BICRAL: variants seen among roughly 807,000 people sequenced by gnomAD.
BICRAL encodes the protein BICRA like chromatin remodeling complex associated protein, also known as BRD4-interacting chromatin-remodeling complex-associated protein-like.
Under a neutral mutation model 91.8 loss-of-function variants are expected in BICRAL, and 8 were observed. The ratio of observed to expected loss-of-function variants is 0.09; its 90% CI spans 0.05 to 0.16. The LOEUF is 0.16. Ranked by LOEUF, BICRAL falls within the 10% of genes least tolerant of loss-of-function variation. The pLI is 1.00. For synonymous variants in BICRAL, 445 were observed against 491.1 expected (o/e 0.91, Z 1.24); for missense variants, 1,038 against 1,310.9 (o/e 0.79, Z 3.21).
At chr6:42,826,976 G>A (rs1764325181) in intron 5 of BICRAL, among the ~76,000 whole-genome samples, 1 of 151,844 alleles carries the variant, frequency 6.6e-6, no homozygotes. Flanking sequence ...AGTAGAGACA[G>A]GGTTTCTCCA....
At chr6:42,803,887 G>T (rs1763639164) in intron 1 of BICRAL, among the ~76,000 whole-genome samples, 1 of 152,312 alleles carries the variant, frequency 6.6e-6, no homozygotes, top group South Asian at 2.1e-4. Context: ...CAGGCACAAG[G>T]CTGTGCAGCA....
intron 1 of BICRAL, among the ~76,000 whole-genome samples, chr6:42,782,802 G>A (rs893054776): frequency 1.3e-5 from 2 of 152,098 alleles, no homozygotes; most frequent in African/African-American, 4.8e-5. Flanking sequence ...GGCGCGGCGG[G>A]GCCGCGAGCA....
chr6:42,753,021 A>G (rs1347053251), intron 1 of BICRAL, among the ~76,000 whole-genome samples: 2 of 150,212 alleles, frequency 1.3e-5, no homozygotes, highest in African/African-American at 4.9e-5. Flanking sequence ...CCGCCTCCCA[A>G]GTTCAAGTGA....
rs1457625614 is a variant in BICRAL at position 42,865,740 on chromosome 6, GTT to G, written c.*297_*298del. 6.4e-6 allele frequency: 2 copies of G among 312,902 alleles called. No individual in the cohort carries two copies. Among genetic ancestry groups the G allele is most frequent in the Non-Finnish European group, 1.2e-5 (2 of 169,446 alleles). 19.4% of individuals were successfully genotyped at this position (312,902 alleles called of 1,614,324 possible). ...GTGCTTATAGGCATTTTGTTTATTT[GTT>G]TTGTTTTTTAAAAACACTGTAACTC... On this transcript the variant is annotated 3_prime_UTR_variant, in exon 13 of 13. Transcript: ENST00000314073.
chr6:42,837,321 T>G (rs1315136888), intron 6 of BICRAL, among the ~76,000 whole-genome samples: 1 of 152,174 alleles, frequency 6.6e-6, no homozygotes, highest in African/African-American at 2.4e-5. Context: ...TACCGAAGGC[T>G]TTTGGCGTTT....
chr6:42,749,608 C>T (rs1021927019), intron 1 of BICRAL, among the ~76,000 whole-genome samples: 1 of 152,058 alleles, frequency 6.6e-6, no homozygotes, highest in Admixed American at 6.6e-5. Context: ...AATTTGACCA[C>T]TACATATTAT....
Position 42,865,291 on chromosome 6 carries a change from A to G in BICRAL, c.3085A>G (p.Thr1029Ala). 6.2e-7 allele frequency: 1 copy of G among 1,614,080 alleles called. No homozygotes were observed. Among genetic ancestry groups the G allele is most frequent in the Non-Finnish European group, 8.5e-7 (1 of 1,180,002 alleles). ...GGGACGGCAGCCCCAGAGTGACCCC[A>G]CGGTTAGCGGCTCTGTTGAGTTAGA... ...KAGRQPQSDP[T>A]VSGSVELDFP... The change falls in exon 13 of 13, where the codon ACG (threonine) becomes GCG (alanine). Residue 1029 changes from threonine (T) to alanine (A), a missense_variant. Around this residue, in one of 5 missense-constraint regions of BICRAL, gnomAD observed 92 missense variants for 147.8 expected, o/e 0.62. Coordinates refer to ENST00000314073, the MANE Select transcript of BICRAL (RefSeq NM_001393499.1).
intron 1 of BICRAL, among the ~76,000 whole-genome samples, chr6:42,785,883 G>A (rs1302611414): frequency 2.6e-5 from 4 of 152,170 alleles, no homozygotes; most frequent in African/African-American, 9.7e-5. Flanking sequence ...GTGAAACCCC[G>A]TTTCTACTAA....
At chr6:42,807,446 G>A (rs767556192) in intron 1 of BICRAL, among the ~76,000 whole-genome samples, 26 of 152,054 alleles carry the variant, frequency 1.7e-4, no homozygotes, top group Non-Finnish European at 3.4e-4. Context: ...GCCTCCCAAA[G>A]TGTTGGGATT....
chr6:42,775,021 C>A (rs1762789418), intron 1 of BICRAL, among the ~76,000 whole-genome samples: 1 of 152,036 alleles, frequency 6.6e-6, no homozygotes, highest in African/African-American at 2.4e-5. Flanking sequence ...CAACCTCCGC[C>A]TCCCAGGTTC....
intron 1 of BICRAL, among the ~76,000 whole-genome samples, chr6:42,797,499 T>G (rs754815846): frequency 3.3e-5 from 5 of 152,190 alleles, no homozygotes; most frequent in Non-Finnish European, 7.3e-5. Context: ...TCTAGCATCT[T>G]GCTGTAGGTA....
At chr6:42,852,506 A>G in intron 7 of BICRAL, 1 of 450,710 alleles carries the variant, frequency 2.2e-6, no homozygotes, top group Non-Finnish European at 4.4e-6. Context: ...TACTAAAAAT[A>G]CAAAAATTAG....
At chr6:42,817,370 A>T (rs1027245047) in intron 2 of BICRAL, among the ~76,000 whole-genome samples, 1 of 152,116 alleles carries the variant, frequency 6.6e-6, no homozygotes, top group Non-Finnish European at 1.5e-5. Flanking sequence ...ACATTTAATC[A>T]TGGACATTTA....
At chr6:42,777,329 T>C (rs1327603428), upstream of BICRAL, among the ~76,000 whole-genome samples, 1 of 152,184 alleles carries the variant, frequency 6.6e-6, no homozygotes, top group Non-Finnish European at 1.5e-5. Flanking sequence ...GATGAGGAAG[T>C]TGAAGCCTTG....
intron 1 of BICRAL, among the ~76,000 whole-genome samples, chr6:42,771,492 C>CG (rs1022057823): frequency 9.0e-5 from 2 of 22,328 alleles, no homozygotes; most frequent in East Asian, 1.8e-3. Flanking sequence ...GTGGGGGTGG[C>CG]GGGGGGTGGT....
intron 1 of BICRAL, among the ~76,000 whole-genome samples, chr6:42,769,681 C>T (rs1036628051): frequency 6.6e-6 from 1 of 152,140 alleles, no homozygotes; most frequent in African/African-American, 2.4e-5. Context: ...CTCACCTCTG[C>T]CCACCGACCT....
At chr6:42,831,244 C>T (rs932654266) in intron 6 of BICRAL, among the ~76,000 whole-genome samples, 3 of 152,162 alleles carry the variant, frequency 2.0e-5, no homozygotes, top group African/African-American at 7.2e-5. Context: ...GTATAGCAGG[C>T]TATTAGGACA....
intron 8 of BICRAL, among the ~76,000 whole-genome samples, chr6:42,855,313 G>A (rs1765315766): frequency 6.6e-6 from 1 of 152,206 alleles, no homozygotes; most frequent in Admixed American, 6.5e-5. Context: ...GGCCAAGGCA[G>A]GCGGATGGCT....
intron 1 of BICRAL, among the ~76,000 whole-genome samples, chr6:42,809,845 G>A (rs1763806997): frequency 6.6e-6 from 1 of 151,750 alleles, no homozygotes; most frequent in Non-Finnish European, 1.5e-5. Flanking sequence ...GGAGTGCAGT[G>A]GCATGATCCT....
Sources: gnomAD v4.1 joint callset for allele counts (sites outside exome capture counted in the v4.1 genomes callset) on GRCh38, gnomAD v4.1.1 for gene constraint, gnomAD v4.1.1 regional missense constraint, MANE v1.5 for transcripts, NCBI Gene and HGNC (gene_info 2026-07-23, HGNC 2026-07-21) for gene names.